Variants in REDIC1 observed in about 807,000 individuals in gnomAD.
REDIC1 encodes HEI10 Interacting Protein 1.
chr12:39,672,530 G>A, the REDIC1 span, among the ~76,000 whole-genome samples: 5 of 152,232 alleles, frequency 3.3e-5, no homozygotes, highest in South Asian at 6.2e-4. Context: ...TATCTTCAGC[G>A]CATGCACAAG....
the REDIC1 span, among the ~76,000 whole-genome samples, chr12:39,657,115 C>A: frequency 6.6e-6 from 1 of 152,206 alleles, no homozygotes; most frequent in Non-Finnish European, 1.5e-5. Context: ...CCCAAAACAA[C>A]TTTCATCCTG....
At chr12:39,714,149 A>G in the REDIC1 span, among the ~76,000 whole-genome samples, 14 of 144,852 alleles carry the variant, frequency 9.7e-5, no homozygotes, top group Non-Finnish European at 1.1e-4. Context: ...GTATATATGT[A>G]TATACATGCA....
the REDIC1 span, among the ~76,000 whole-genome samples, chr12:39,695,413 GCTGA>G: frequency 2.0e-5 from 3 of 152,120 alleles, no homozygotes; most frequent in Non-Finnish European, 4.4e-5. Context: ...TTCACCACAA[GCTGA>G]CTGAAGAACC....
chr12:39,713,685 G>T, the REDIC1 span, among the ~76,000 whole-genome samples: 2 of 144,624 alleles, frequency 1.4e-5, no homozygotes, highest in Non-Finnish European at 3.0e-5. Flanking sequence ...ATGTATGCCT[G>T]TATACATGCG....
At chr12:39,647,731 T>C in the REDIC1 span, 1 of 1,202,872 alleles carries the variant, frequency 8.3e-7, no homozygotes, top group Non-Finnish European at 1.1e-6. Context: ...CTATTTTGAC[T>C]TTCCTCTTCT....
the REDIC1 span, among the ~76,000 whole-genome samples, chr12:39,824,457 G>A: frequency 6.6e-6 from 1 of 152,238 alleles, no homozygotes; most frequent in Admixed American, 6.5e-5. Flanking sequence ...TATTCTCAGA[G>A]CTTGGGGGAT....
chr12:39,754,018 T>A, the REDIC1 span, among the ~76,000 whole-genome samples: 1 of 152,170 alleles, frequency 6.6e-6, no homozygotes, highest in Non-Finnish European at 1.5e-5. Context: ...GATTTGTTCC[T>A]GTAATCCATA....
At chr12:39,869,869 T>A in the REDIC1 span, among the ~76,000 whole-genome samples, 2 of 152,216 alleles carry the variant, frequency 1.3e-5, no homozygotes, top group Non-Finnish European at 2.9e-5. Flanking sequence ...CTCAGAGCCC[T>A]TTACTCTCTG....
At chr12:39,713,087 GTGTAGATATGTGCATATACGTATATA>G in the REDIC1 span, among the ~76,000 whole-genome samples, 146 of 148,752 alleles carry the variant, frequency 9.8e-4, 5 homozygotes, top group African/African-American at 3.1e-3. Context: ...ATACGTGTAT[GTGTAGATATGTGCATATACGTATATA>G]TGTAGATATG....
At chr12:39,763,834 G>A in the REDIC1 span, among the ~76,000 whole-genome samples, 1 of 152,166 alleles carries the variant, frequency 6.6e-6, no homozygotes, top group African/African-American at 2.4e-5. Flanking sequence ...AAGCACTATT[G>A]TTTTTCATTT....
the REDIC1 span, among the ~76,000 whole-genome samples, chr12:39,874,667 C>T: frequency 6.6e-6 from 1 of 150,458 alleles, no homozygotes; most frequent in Admixed American, 6.6e-5. Context: ...TGATGTAAGG[C>T]TATAGCAGAA....
At chr12:39,636,830 C>T in the REDIC1 span, among the ~76,000 whole-genome samples, 12 of 152,002 alleles carry the variant, frequency 7.9e-5, no homozygotes, top group Non-Finnish European at 1.6e-4. Context: ...ATTCCTAATA[C>T]AGTTTCAATA....
chr12:39,709,778 T>A, the REDIC1 span, among the ~76,000 whole-genome samples: 5 of 151,892 alleles, frequency 3.3e-5, no homozygotes, highest in African/African-American at 1.2e-4. Flanking sequence ...CTCCTGGCTA[T>A]TGTGAATAAT....
the REDIC1 span, among the ~76,000 whole-genome samples, chr12:39,714,250 CGTAT>C: frequency 9.0e-6 from 1 of 110,996 alleles, no homozygotes; most frequent in African/African-American, 3.3e-5. Flanking sequence ...TATGTATATA[CGTAT>C]ATGCATGCAT....
the REDIC1 span, among the ~76,000 whole-genome samples, chr12:39,894,671 G>C: frequency 6.6e-6 from 1 of 152,044 alleles, no homozygotes; most frequent in Non-Finnish European, 1.5e-5. Context: ...TTTAGGTCAG[G>C]GCCAACAGCT....
chr12:39,772,845 T>C, the REDIC1 span, among the ~76,000 whole-genome samples: 1 of 142,098 alleles, frequency 7.0e-6, no homozygotes, highest in East Asian at 2.0e-4. Flanking sequence ...CACGTTTACA[T>C]GTGCAAAAAA....
the REDIC1 span, among the ~76,000 whole-genome samples, chr12:39,729,877 CTCT>C: frequency 2.3e-4 from 35 of 152,230 alleles, no homozygotes; most frequent in Middle Eastern, 3.4e-3. Context: ...GGATAGTTAG[CTCT>C]TCTTGTTGCA....
chr12:39,870,907 G>GA, the REDIC1 span, among the ~76,000 whole-genome samples: 1 of 152,162 alleles, frequency 6.6e-6, no homozygotes, highest in East Asian at 1.9e-4. Context: ...ATGAGTGACT[G>GA]AAACAGTTCT....
chr12:39,762,573 G>A, the REDIC1 span, among the ~76,000 whole-genome samples: 1 of 151,968 alleles, frequency 6.6e-6, no homozygotes, highest in Admixed American at 6.6e-5. Context: ...TAAGCAATAT[G>A]GTTGAGGAAG....
Sources: gnomAD v4.1 joint callset for allele counts (sites outside exome capture counted in the v4.1 genomes callset) on GRCh38, gnomAD v4.1.1 for gene constraint, MANE v1.5 for transcripts, NCBI Gene and HGNC (gene_info 2026-07-23, HGNC 2026-07-21) for gene names.